The following NTNG1 variants were observed in gnomAD, a reference collection of about 807,000 sequenced individuals.
The protein encoded by NTNG1 is netrin-G1.
In NTNG1, 16 loss-of-function variants were observed where a neutral mutation model predicts 54.0. That is an observed-to-expected ratio of 0.30 (90% confidence interval 0.20 to 0.45). The LOEUF (loss-of-function observed/expected upper bound fraction) is 0.45, where lower values mean the gene tolerates loss of function less well. NTNG1 is among the 20% of genes least tolerant of loss of function. NTNG1 has a pLI of 1.00. For synonymous variants in NTNG1, 255 were observed against 263.1 expected, an observed-to-expected ratio of 0.97 and a Z score of 0.30; for missense variants, 530 against 678.7, an observed-to-expected ratio of 0.78 and a Z score of 2.43.
At chr1:107,343,357 G>T (rs139023762) in intron 3 of NTNG1, among the ~76,000 whole-genome samples, 113 of 152,172 alleles carry the variant, frequency 7.4e-4, no homozygotes, top group African/African-American at 2.6e-3. Flanking sequence ...GTGTTCACAT[G>T]ATGCAATACC....
At chr1:107,208,635 G>A (rs1659375667) in intron 2 of NTNG1, among the ~76,000 whole-genome samples, 1 of 152,046 alleles carries the variant, frequency 6.6e-6, no homozygotes, top group South Asian at 2.1e-4. Flanking sequence ...GGAGAAATAT[G>A]CAAGTGACCA....
At chr1:107,388,690 A>AGGAG (rs1672176929) in intron 3 of NTNG1, among the ~76,000 whole-genome samples, 1 of 152,218 alleles carries the variant, frequency 6.6e-6, no homozygotes, top group Admixed American at 6.5e-5. Flanking sequence ...TAAGTGGCAA[A>AGGAG]GGAGGGATTT....
At chr1:107,415,318 C>T (rs114824459) in intron 5 of NTNG1, among the ~76,000 whole-genome samples, 234 of 152,272 alleles carry the variant, frequency 1.5e-3, no homozygotes, top group African/African-American at 5.2e-3. Flanking sequence ...ATAATTTCCT[C>T]ATCACACAAG....
intron 2 of NTNG1, among the ~76,000 whole-genome samples, chr1:107,164,694 G>A (rs1655645774): frequency 6.6e-6 from 1 of 152,184 alleles, no homozygotes; most frequent in Non-Finnish European, 1.5e-5. Flanking sequence ...AAATATGAAC[G>A]TTGTCAAATG....
intron 7 of NTNG1, among the ~76,000 whole-genome samples, chr1:107,460,783 C>T (rs895939870): frequency 2.6e-5 from 4 of 152,136 alleles, no homozygotes; most frequent in African/African-American, 9.7e-5. Flanking sequence ...GCATAATATT[C>T]CCCTGGAGCA....
intron 2 of NTNG1, among the ~76,000 whole-genome samples, chr1:107,207,848 T>A (rs2101349862): frequency 6.6e-6 from 1 of 152,278 alleles, no homozygotes; most frequent in South Asian, 2.1e-4. Context: ...CAATGATAGT[T>A]AAAATTCCGT....
chr1:107,307,603 T>G (rs1017368836), intron 2 of NTNG1, among the ~76,000 whole-genome samples: 1 of 152,218 alleles, frequency 6.6e-6, no homozygotes, highest in Non-Finnish European at 1.5e-5. Flanking sequence ...AGTTTTGTGA[T>G]CTTATTCATT....
At chr1:107,356,482 C>G (rs1276820822) in intron 3 of NTNG1, among the ~76,000 whole-genome samples, 2 of 151,968 alleles carry the variant, frequency 1.3e-5, no homozygotes, top group Non-Finnish European at 2.9e-5. Context: ...TTAGTAGAGA[C>G]AGGGTTTTTC....
At chr1:107,171,282 C>T (rs1656218719) in intron 2 of NTNG1, among the ~76,000 whole-genome samples, 5 of 152,002 alleles carry the variant, frequency 3.3e-5, no homozygotes, top group Admixed American at 2.6e-4. Flanking sequence ...CATTTTTTCT[C>T]ATTGTATGTG....
chr1:107,380,172 C>A (rs1435054916), intron 3 of NTNG1, among the ~76,000 whole-genome samples: 1 of 152,120 alleles, frequency 6.6e-6, no homozygotes, highest in African/African-American at 2.4e-5. Flanking sequence ...TTTTCAAGCA[C>A]AAAACCCTAA....
chr1:107,297,916 A>G (rs1262024227), intron 2 of NTNG1, among the ~76,000 whole-genome samples: 1 of 152,178 alleles, frequency 6.6e-6, no homozygotes, highest in African/African-American at 2.4e-5. Context: ...CTGGATAAGA[A>G]GAGCATGCTA....
chr1:107,460,390 T>C, intron 7 of NTNG1: 1 of 518,870 alleles, frequency 1.9e-6, no homozygotes, highest in Non-Finnish European at 3.8e-6. Context: ...CCCTCACAGA[T>C]AATATTTTAC....
chr1:107,334,642 C>T (rs1363887135), intron 3 of NTNG1, among the ~76,000 whole-genome samples: 1 of 151,722 alleles, frequency 6.6e-6, no homozygotes, highest in Admixed American at 6.6e-5. Context: ...ATAATTTAAT[C>T]TAACTCCTTT....
chr1:107,260,941 A>G (rs1382526305), intron 2 of NTNG1: 1 of 152,260 alleles, frequency 6.6e-6, no homozygotes, highest in Non-Finnish European at 1.5e-5. Flanking sequence ...ACTACTCACC[A>G]AGGTTAGTTC....
chr1:107,179,248 C>T (rs1224907519), intron 2 of NTNG1, among the ~76,000 whole-genome samples: 4 of 152,134 alleles, frequency 2.6e-5, no homozygotes, highest in Non-Finnish European at 4.4e-5. Flanking sequence ...TATTATTATG[C>T]TGGAACTTGG....
intron 3 of NTNG1, among the ~76,000 whole-genome samples, chr1:107,331,485 C>A (rs1404701079): frequency 6.6e-6 from 1 of 152,066 alleles, no homozygotes; most frequent in African/African-American, 2.4e-5. Context: ...AGGTGTTTTA[C>A]TACTAAAATC....
chr1:107,280,345 G>A (rs1357519722), intron 2 of NTNG1, among the ~76,000 whole-genome samples: 2 of 151,200 alleles, frequency 1.3e-5, no homozygotes, highest in African/African-American at 4.9e-5. Context: ...TTGAATCTCT[G>A]TATTATTAAC....
chr1:107,378,512 C>T (rs1671440436), intron 3 of NTNG1, among the ~76,000 whole-genome samples: 1 of 152,092 alleles, frequency 6.6e-6, no homozygotes, highest in South Asian at 2.1e-4. Context: ...ATCTGGGGTA[C>T]TTGGGGATGG....
chr1:107,193,935 C>T (rs1007125311), intron 2 of NTNG1, among the ~76,000 whole-genome samples: 1 of 151,924 alleles, frequency 6.6e-6, no homozygotes, highest in Non-Finnish European at 1.5e-5. Context: ...ATCTTGCCAT[C>T]CTAATCAAAT....
Sources: allele counts gnomAD v4.1 joint callset (sites outside exome capture counted in the v4.1 genomes callset), GRCh38; gene constraint gnomAD v4.1.1; transcripts MANE v1.5; gene names NCBI Gene and HGNC (gene_info 2026-07-23, HGNC 2026-07-21).